EDIL3: variants seen among roughly 807,000 people sequenced by gnomAD.
The protein encoded by EDIL3 is EGF like and discoidin domains 3.
In EDIL3, 37 loss-of-function variants were observed where a neutral mutation model predicts 67.4. The observed-to-expected ratio is 0.55, with a 90% CI of 0.42 to 0.72. EDIL3 has a LOEUF of 0.72. Among genes scored for constraint, EDIL3 ranks in the 30% least tolerant of loss-of-function variants. The pLI is 0.00. For missense variants in EDIL3, 527 were observed against 586.3 expected (o/e 0.90, Z 1.04); for synonymous variants, 195 against 196.3 (o/e 0.99, Z 0.05).
chr5:84,065,954 A>T (rs896593083), intron 7 of EDIL3, among the ~76,000 whole-genome samples: 4 of 151,780 alleles, frequency 2.6e-5, no homozygotes, highest in Non-Finnish European at 4.4e-5. Context: ...TCTCTACTAA[A>T]AATACAAAAA....
At chr5:84,126,006 T>C (rs190916537) in intron 5 of EDIL3, among the ~76,000 whole-genome samples, 2 of 152,018 alleles carry the variant, frequency 1.3e-5, no homozygotes, top group African/African-American at 4.8e-5. Context: ...GTCCATAGGG[T>C]AGGTAATTTA....
At chr5:84,276,080 C>G (rs1645105196) in intron 1 of EDIL3, among the ~76,000 whole-genome samples, 1 of 152,098 alleles carries the variant, frequency 6.6e-6, no homozygotes, top group Admixed American at 6.5e-5. Flanking sequence ...GCAAAGCCAC[C>G]CTGGAGTCAT....
At chr5:84,192,410 C>CTAA (rs1743610139) in intron 3 of EDIL3, among the ~76,000 whole-genome samples, 1 of 152,002 alleles carries the variant, frequency 6.6e-6, no homozygotes, top group Admixed American at 6.6e-5. Context: ...ATTTACCATT[C>CTAA]TACCACCTAA....
Position 83,942,795 on chromosome 5 carries a change from A to G in EDIL3, c.*624T>C, listed in dbSNP as rs960655221. On this transcript the variant is annotated 3_prime_UTR_variant, in exon 11 of 11. Coordinates refer to ENST00000296591, the MANE Select transcript of EDIL3 (RefSeq NM_005711.5). ...TTGAATTATTCAGGTAATATACAAT[A>G]TTAAGAATGTAGAATAGAACTAAAA... 1 of 152,326 alleles carries G rather than the reference A, an allele frequency of 6.6e-6. No homozygotes were observed. The highest frequency in any genetic ancestry group is 6.5e-5 in the Admixed American group (1 of 15,274). 9.4% of individuals were successfully genotyped at this position (152,326 alleles called of 1,614,324 possible). A position where few individuals can be genotyped will look rare whatever the true frequency, so the allele number is the denominator to read the frequency against.
At chr5:84,100,025 G>A (rs1455829191) in intron 6 of EDIL3, among the ~76,000 whole-genome samples, 2 of 151,978 alleles carry the variant, frequency 1.3e-5, no homozygotes, top group Non-Finnish European at 2.9e-5. Context: ...AAACCACAAT[G>A]ATACCATCTC....
intron 4 of EDIL3, among the ~76,000 whole-genome samples, chr5:84,176,700 G>T (rs1748921518): frequency 6.6e-6 from 1 of 151,684 alleles, no homozygotes; most frequent in Non-Finnish European, 1.5e-5. Flanking sequence ...GACAATTTTG[G>T]TGCTCAATTC....
At chr5:84,117,023 T>TA (rs1484856476) in intron 5 of EDIL3, among the ~76,000 whole-genome samples, 3 of 122,918 alleles carry the variant, frequency 2.4e-5, no homozygotes, top group African/African-American at 1.1e-4. Flanking sequence ...AGTACTTATT[T>TA]TTTTTTTTTT....
intron 9 of EDIL3, among the ~76,000 whole-genome samples, chr5:84,038,072 A>G (rs1323213404): frequency 7.2e-6 from 1 of 138,018 alleles, no homozygotes; most frequent in Admixed American, 8.1e-5. Context: ...GCATGATCTC[A>G]GCTCACTGCA....
intron 4 of EDIL3, among the ~76,000 whole-genome samples, chr5:84,171,870 G>C (rs1748817714): frequency 6.6e-6 from 1 of 152,164 alleles, no homozygotes; most frequent in South Asian, 2.1e-4. Context: ...CCAGGCATTG[G>C]TATTTTTTAT....
chr5:84,172,916 C>T (rs1748837213), intron 4 of EDIL3, among the ~76,000 whole-genome samples: 1 of 152,164 alleles, frequency 6.6e-6, no homozygotes, highest in Admixed American at 6.5e-5. Flanking sequence ...TGCCACTGGG[C>T]AGCTCTGTAT....
At chr5:84,384,172 G>T in intron 1 of EDIL3, 136 bp downstream of exon 1, 1 of 1,096,974 alleles carries the variant, frequency 9.1e-7, no homozygotes, top group Non-Finnish European at 1.3e-6. Context: ...CCCAGGACTC[G>T]ACGCCTCCTC....
intron 3 of EDIL3, among the ~76,000 whole-genome samples, chr5:84,227,802 T>G (rs1468728574): frequency 6.6e-6 from 1 of 152,104 alleles, no homozygotes; most frequent in Non-Finnish European, 1.5e-5. Context: ...AGGCCATGAT[T>G]CAAAAATTAA....
intron 6 of EDIL3, among the ~76,000 whole-genome samples, chr5:84,075,915 C>G (rs923068819): frequency 2.0e-5 from 3 of 147,968 alleles, no homozygotes; most frequent in Admixed American, 6.8e-5. Context: ...CACACACACA[C>G]ACAGACACAC....
chr5:84,028,913 G>C (rs1013669246), intron 9 of EDIL3, among the ~76,000 whole-genome samples: 37 of 152,028 alleles, frequency 2.4e-4, no homozygotes, highest in African/African-American at 8.9e-4. Context: ...TTGAATCATG[G>C]GGGCAAGTCT....
At chr5:84,190,805 T>C (rs141340834) in intron 3 of EDIL3, among the ~76,000 whole-genome samples, 3 of 152,058 alleles carry the variant, frequency 2.0e-5, no homozygotes, top group Non-Finnish European at 4.4e-5. Flanking sequence ...ATCCTCTAAT[T>C]ATTCCATAGA....
intron 6 of EDIL3, among the ~76,000 whole-genome samples, chr5:84,071,162 G>A (rs2112246008): frequency 6.6e-6 from 1 of 152,264 alleles, no homozygotes; most frequent in East Asian, 1.9e-4. Flanking sequence ...TAAGAGCAGT[G>A]TCTAAGGCAG....
chr5:84,098,582 C>G (rs1234985307), intron 6 of EDIL3, among the ~76,000 whole-genome samples: 1 of 151,892 alleles, frequency 6.6e-6, no homozygotes, highest in African/African-American at 2.4e-5. Context: ...TAAGTAATTA[C>G]TGAATAACAA....
At chr5:84,207,823 C>A (rs1043367154) in intron 3 of EDIL3, among the ~76,000 whole-genome samples, 2 of 150,846 alleles carry the variant, frequency 1.3e-5, no homozygotes, top group African/African-American at 4.9e-5. Flanking sequence ...ATAAATGGTG[C>A]TGGGAAAACT....
chr5:84,323,929 G>A (rs1447364873), intron 1 of EDIL3, among the ~76,000 whole-genome samples: 1 of 151,814 alleles, frequency 6.6e-6, no homozygotes, highest in Non-Finnish European at 1.5e-5. Context: ...AAAAATGACA[G>A]ATTTGAAGGG....
Sources: gnomAD v4.1 joint callset for allele counts (sites outside exome capture counted in the v4.1 genomes callset) on GRCh38, gnomAD v4.1.1 for gene constraint, MANE v1.5 for transcripts, NCBI Gene and HGNC (gene_info 2026-07-23, HGNC 2026-07-21) for gene names.